Variants in SAXO1 observed in about 807,000 individuals in gnomAD.
The protein encoded by SAXO1 is 4930500O09Rik.
SAXO1 carries 21 observed loss-of-function variants against 17.5 expected under a neutral mutation model. The ratio of observed to expected loss-of-function variants is 1.20; its 90% CI spans 0.85 to 1.72. The LOEUF is 1.72. Ranked by LOEUF, SAXO1 falls within the 40% of genes most tolerant of loss-of-function variation. The pLI is 0.00. For missense variants in SAXO1, 843 were observed against 596.0 expected, an observed-to-expected ratio of 1.41 and a Z score of -4.32; for synonymous variants, 274 against 216.5, an observed-to-expected ratio of 1.27 and a Z score of -2.33.
At chr9:18,962,419 ATGTT>A (rs1287671942) in intron 1 of SAXO1, among the ~76,000 whole-genome samples, 4 of 152,046 alleles carry the variant, frequency 2.6e-5, no homozygotes, top group Non-Finnish European at 4.4e-5. Context: ...TTTTTTTCAT[ATGTT>A]TGTTTGGCCG....
At chr9:19,004,574 G>C (rs889712992) in intron 1 of SAXO1, among the ~76,000 whole-genome samples, 1 of 152,150 alleles carries the variant, frequency 6.6e-6, no homozygotes. Flanking sequence ...CATGGACATG[G>C]ATGAAGCTGG....
intron 1 of SAXO1, among the ~76,000 whole-genome samples, chr9:18,975,003 A>C (rs1833082556): frequency 6.6e-6 from 1 of 152,224 alleles, no homozygotes; most frequent in Non-Finnish European, 1.5e-5. Flanking sequence ...CCATATGATC[A>C]AGGTTAGCAT....
intron 1 of SAXO1, among the ~76,000 whole-genome samples, chr9:19,044,969 A>G (rs1836172348): frequency 6.6e-6 from 1 of 152,052 alleles, no homozygotes; most frequent in Non-Finnish European, 1.5e-5. Flanking sequence ...CATCAGTGAG[A>G]GCAGAGACTG....
At chr9:18,938,578 C>G (rs949749641) in intron 3 of SAXO1, among the ~76,000 whole-genome samples, 2 of 152,060 alleles carry the variant, frequency 1.3e-5, no homozygotes, top group African/African-American at 4.8e-5. Flanking sequence ...ATACAATCAC[C>G]TCTCACCAGG....
intron 2 of SAXO1, among the ~76,000 whole-genome samples, chr9:18,946,384 G>C (rs78746947): frequency 0.01 from 1,522 of 149,652 alleles, 18 homozygotes; most frequent in African/African-American, 0.035. Flanking sequence ...AAGACAGGAA[G>C]CCCTAAATTC....
At chr9:18,968,363 G>A (rs1391684216) in intron 1 of SAXO1, among the ~76,000 whole-genome samples, 2 of 152,154 alleles carry the variant, frequency 1.3e-5, no homozygotes, top group Non-Finnish European at 2.9e-5. Flanking sequence ...ATTTTTAAGA[G>A]ATGCATGGAT....
At chr9:18,973,686 G>A (rs112089845) in intron 1 of SAXO1, among the ~76,000 whole-genome samples, 1 of 152,260 alleles carries the variant, frequency 6.6e-6, no homozygotes, top group African/African-American at 2.4e-5. Context: ...GGTATCCCTG[G>A]TATCTGATCC....
chr9:19,040,038 C>T (rs1356139249), intron 1 of SAXO1, among the ~76,000 whole-genome samples: 2 of 152,020 alleles, frequency 1.3e-5, no homozygotes, highest in African/African-American at 4.8e-5. Flanking sequence ...CTGGAATTCA[C>T]TTTTTAAATG....
At chr9:19,024,368 C>A (rs905661418) in intron 1 of SAXO1, among the ~76,000 whole-genome samples, 2 of 151,774 alleles carry the variant, frequency 1.3e-5, no homozygotes, top group Non-Finnish European at 1.5e-5. Context: ...CGCATGTTCT[C>A]ACTCATAGGT....
intron 3 of SAXO1, among the ~76,000 whole-genome samples, chr9:18,936,711 G>A (rs967464624): frequency 1.3e-5 from 2 of 152,088 alleles, no homozygotes; most frequent in Non-Finnish European, 2.9e-5. Context: ...GTGGGTAATT[G>A]GCAAGAACTT....
intron 1 of SAXO1, among the ~76,000 whole-genome samples, chr9:19,011,516 T>A (rs192793757): frequency 6.2e-4 from 94 of 152,338 alleles, no homozygotes; most frequent in African/African-American, 2.2e-3. Flanking sequence ...AAGTTTCTTG[T>A]GTGCCCAGAG....
intron 1 of SAXO1, among the ~76,000 whole-genome samples, chr9:19,005,881 G>C (rs1246237898): frequency 6.6e-6 from 1 of 152,122 alleles, no homozygotes; most frequent in Non-Finnish European, 1.5e-5. Context: ...TTAATATCCA[G>C]AATATGTAAG....
rs550923299 is a variant in SAXO1, at chr9:19,008,846, A to G, written c.38+24025T>C. Among the ~76,000 whole-genome samples the G allele has an allele frequency of 2.4e-4, 37 of 152,170 alleles. 1 individual carries two copies. The highest frequency in any genetic ancestry group is 4.4e-4 in the Non-Finnish European group (30 of 68,018). On this transcript the variant is annotated intron_variant, in intron 1 of 3. Transcript: ENST00000380534. The stretch of plus-strand genomic sequence containing the variant: ...AGGTCCAGGAGCAACTGTGTCTGGC[A>G]AACATACCTGTTCTCTGGGAGCCCT...
At chr9:19,018,931 G>A (rs1429116353) in intron 1 of SAXO1, among the ~76,000 whole-genome samples, 1 of 152,086 alleles carries the variant, frequency 6.6e-6, no homozygotes. Context: ...CCAACATGGA[G>A]AAACCCTGTC....
chr9:18,999,436 C>T (rs7033607), intron 1 of SAXO1, among the ~76,000 whole-genome samples: 15,388 of 151,028 alleles, frequency 0.1, 1,178 homozygotes, highest in African/African-American at 0.23. Context: ...AAGTGAGGAG[C>T]GCCTCCACCC....
At chr9:19,037,215 G>C (rs980835431), upstream of SAXO1, among the ~76,000 whole-genome samples, 1 of 152,214 alleles carries the variant, frequency 6.6e-6, no homozygotes, top group Non-Finnish European at 1.5e-5. Context: ...AGGTGGAAGG[G>C]ACTTGCCTTG....
At chr9:18,973,740 A>G (rs1404771644) in intron 1 of SAXO1, among the ~76,000 whole-genome samples, 2 of 152,234 alleles carry the variant, frequency 1.3e-5, no homozygotes, top group East Asian at 3.8e-4. Context: ...GGGTGAAAAG[A>G]GACAAAAATC....
chr9:18,966,598 T>C (rs1237394341), intron 1 of SAXO1, among the ~76,000 whole-genome samples: 1 of 152,194 alleles, frequency 6.6e-6, no homozygotes, highest in Non-Finnish European at 1.5e-5. Context: ...ATCAAGTCAT[T>C]TATATTCTTC....
chr9:18,994,761 C>A (rs147799386), intron 1 of SAXO1, among the ~76,000 whole-genome samples: 70 of 152,310 alleles, frequency 4.6e-4, no homozygotes, highest in Non-Finnish European at 4.9e-4. Flanking sequence ...CCTCTGAATT[C>A]TAGATTGTAA....
Sources: gnomAD v4.1 joint callset for allele counts (sites outside exome capture counted in the v4.1 genomes callset) on GRCh38, gnomAD v4.1.1 for gene constraint, MANE v1.5 for transcripts, NCBI Gene and HGNC (gene_info 2026-07-23, HGNC 2026-07-21) for gene names.